CHFR: variants seen among roughly 807,000 people sequenced by gnomAD.
The protein encoded by CHFR is checkpoint with forkhead and ring finger domains.
In CHFR, 57 loss-of-function variants were observed where a neutral mutation model predicts 87.6. The ratio of observed to expected loss-of-function variants is 0.65; its 90% CI spans 0.53 to 0.81. The LOEUF (loss-of-function observed/expected upper bound fraction) is 0.81. Ranked by LOEUF, CHFR falls within the 30% of genes least tolerant of loss-of-function variation. The pLI is 0.00. For missense variants in CHFR, 797 were observed against 865.8 expected (o/e 0.92, Z 1.00); for synonymous variants, 381 against 359.2 (o/e 1.06, Z -0.69).
At chr12:132,871,417 A>T (rs1593508377) in intron 4 of CHFR, among the ~76,000 whole-genome samples, 1 of 150,690 alleles carries the variant, frequency 6.6e-6, no homozygotes, top group Non-Finnish European at 1.5e-5. Context: ...ACGCCATTGC[A>T]CTCCAGCCTC....
At chr12:132,879,732 C>T (rs1288243132) in intron 2 of CHFR, among the ~76,000 whole-genome samples, 1 of 152,148 alleles carries the variant, frequency 6.6e-6, no homozygotes, top group Non-Finnish European at 1.5e-5. Context: ...TACTTGCCCT[C>T]TCCTTAAATC....
chr12:132,864,727 G>A (rs1036006173), intron 6 of CHFR, among the ~76,000 whole-genome samples: 4 of 152,088 alleles, frequency 2.6e-5, no homozygotes, highest in Admixed American at 6.5e-5. Flanking sequence ...GACCTCAGGC[G>A]ATCCAACCAC....
In CHFR at chr12:132,869,606, G is replaced by A. The variant is rs1242820565; in HGVS notation, c.583+13C>T. 6.4e-7 allele frequency: 1 copy of A among 1,550,776 alleles called. No individual in the cohort carries two copies. Among genetic ancestry groups the A allele is most frequent in the South Asian group, 1.2e-5 (1 of 84,046 alleles). ...TGCAACCAGCACCAAGACCTCATGA[G>A]ATGTGACCTCACCACAACTGGAGGA... On this transcript the variant is annotated intron_variant, in intron 6 of 17. Coordinates refer to ENST00000450056, the MANE Select transcript of CHFR (RefSeq NM_001161346.2).
At chr12:132,855,072 T>C (rs1265154943) in intron 10 of CHFR, 1 of 151,842 alleles carries the variant, frequency 6.6e-6, no homozygotes, top group Non-Finnish European at 1.5e-5. Context: ...TGAAACTCTG[T>C]CTTTACTAAA....
intron 3 of CHFR, among the ~76,000 whole-genome samples, chr12:132,874,635 C>A (rs569041020): frequency 5.5e-4 from 54 of 98,058 alleles, no homozygotes; most frequent in Non-Finnish European, 1.2e-3. Flanking sequence ...CAGCACCCAG[C>A]GCGGGGAAGC....
At chr12:132,872,079 T>C (rs1363776342) in intron 4 of CHFR, 1 of 519,766 alleles carries the variant, frequency 1.9e-6, no homozygotes, top group Non-Finnish European at 3.4e-6. Flanking sequence ...GTGGTATTCC[T>C]GAGGAATGGC....
At chr12:132,848,412 AT>A (rs1210294004) in intron 13 of CHFR, 4 of 731,142 alleles carry the variant, frequency 5.5e-6, no homozygotes, top group Admixed American at 2.2e-5. Context: ...CGCTGCAAGG[AT>A]TCTGTCCTGG....
intron 15 of CHFR, among the ~76,000 whole-genome samples, chr12:132,844,520 G>GA (rs1311817967): frequency 0.059 from 6,553 of 111,448 alleles, 1,005 homozygotes; most frequent in Non-Finnish European, 0.11. Flanking sequence ...TCCTGACCTC[G>GA]TGATCCACCC....
Position 132,841,342 on chromosome 12 carries a change from C to A in CHFR, c.*212G>T, listed in dbSNP as rs1038910312. ...CACCACGAGCCCTGCCCAGCGCTCA[C>A]CAGGAGGGCGGGCTGCGGCCCCCGG... On this transcript the variant is annotated 3_prime_UTR_variant, in exon 18 of 18. Coordinates refer to ENST00000450056, the MANE Select transcript of CHFR (RefSeq NM_001161346.2). 1 of 564,914 alleles carries A rather than the reference C, an allele frequency of 1.8e-6. No homozygotes were observed. Among genetic ancestry groups the A allele is most frequent in the Admixed American group, 3.2e-5 (1 of 31,172 alleles). 35.0% of individuals were successfully genotyped at this position (564,914 alleles called of 1,614,324 possible).
intron 2 of CHFR, among the ~76,000 whole-genome samples, chr12:132,882,273 GA>G (rs1410897441): frequency 2.6e-5 from 4 of 152,170 alleles, no homozygotes; most frequent in Non-Finnish European, 5.9e-5. Context: ...GCCAGGCGCA[GA>G]AGATGATGGC....
chr12:132,871,641 G>A (rs1951492457), intron 4 of CHFR, among the ~76,000 whole-genome samples: 1 of 151,728 alleles, frequency 6.6e-6, no homozygotes, highest in African/African-American at 2.4e-5. Context: ...GCGTGGTGGT[G>A]GGCACCTATA....
chr12:132,846,263 CTTTTT>C (rs10573381), intron 15 of CHFR, among the ~76,000 whole-genome samples: 4 of 127,868 alleles, frequency 3.1e-5, no homozygotes, highest in Admixed American at 1.7e-4. Flanking sequence ...GCTTAACTGT[CTTTTT>C]TTTTTTTTTT....
At chr12:132,853,010 A>C (rs1317392481) in intron 11 of CHFR, among the ~76,000 whole-genome samples, 1 of 152,174 alleles carries the variant, frequency 6.6e-6, no homozygotes, top group African/African-American at 2.4e-5. Context: ...TTTCGCATTA[A>C]GCCAACTCTG....
chr12:132,887,008 G>A (rs896786849), intron 2 of CHFR, among the ~76,000 whole-genome samples, 188 bp downstream of exon 2: 2 of 152,232 alleles, frequency 1.3e-5, no homozygotes, highest in African/African-American at 2.4e-5. Flanking sequence ...TGTAACGAAG[G>A]CTAAATGATG....
At chr12:132,870,531 C>CAA (rs376516972) in intron 5 of CHFR, among the ~76,000 whole-genome samples, 193 bp downstream of exon 5, 110 of 91,024 alleles carry the variant, frequency 1.2e-3, no homozygotes, top group African/African-American at 2.5e-3. Context: ...AACTCCGTCT[C>CAA]AAAAAAAAAA....
intron 3 of CHFR, among the ~76,000 whole-genome samples, chr12:132,875,332 T>C (rs756512965): frequency 2.6e-5 from 4 of 152,160 alleles, no homozygotes; most frequent in Non-Finnish European, 5.9e-5. Flanking sequence ...ACCTGCCACT[T>C]GCAGCAGATT....
At chr12:132,862,474 C>A (rs1471710583) in intron 6 of CHFR, 2 of 441,866 alleles carry the variant, frequency 4.5e-6, no homozygotes, top group Non-Finnish European at 9.1e-6. Context: ...CGTGACAGTA[C>A]GAGCATATGG....
Position 132,843,600 on chromosome 12 carries a change from G to A in CHFR, c.1843+427C>T, listed in dbSNP as rs116939478. Among the ~76,000 whole-genome samples, 1,291 of 152,216 alleles carry A rather than the reference G, an allele frequency of 8.5e-3. 11 individuals carry two copies. Among genetic ancestry groups the A allele is most frequent in the Middle Eastern group, 0.024 (7 of 294 alleles). ...CAACCACAGCCCTGTATGGCCTGAC[G>A]TCCTGCCGGCTCCTGACTGAGGCCA... On this transcript the variant is annotated intron_variant, in intron 16 of 17. Transcript: ENST00000450056.
intron 1 of CHFR, 54 bp downstream of exon 1, chr12:132,887,493 G>T (rs999787282): frequency 3.2e-6 from 1 of 309,970 alleles, no homozygotes; most frequent in Non-Finnish European, 4.7e-6. Context: ...TCCCACGGCC[G>T]CAACCAGGTC....
Sources: gnomAD v4.1 joint callset for allele counts (sites outside exome capture counted in the v4.1 genomes callset) on GRCh38, gnomAD v4.1.1 for gene constraint, MANE v1.5 for transcripts, NCBI Gene and HGNC (gene_info 2026-07-23, HGNC 2026-07-21) for gene names.